Variants in NOX5 observed in about 807,000 individuals in gnomAD.
NOX5 encodes the protein NADPH oxidase, EF-hand calcium binding domain 5.
In NOX5, 76 loss-of-function variants were observed where a neutral mutation model predicts 85.7. That is an observed-to-expected ratio of 0.89 (90% CI 0.74 to 1.07). NOX5 has a LOEUF of 1.07. NOX5 is among the 50% of genes least tolerant of loss of function. NOX5 has a pLI of 0.00. For missense variants in NOX5, 973 were observed against 999.5 expected (o/e 0.97, Z 0.36); for synonymous variants, 405 against 401.4 (o/e 1.01, Z -0.11).
chr15:69,042,539 A>C, intron 9 of NOX5, 124 bp from the exon 10 acceptor site: 1 of 996,924 alleles, frequency 1.0e-6, no homozygotes, highest in Non-Finnish European at 1.5e-6. Flanking sequence ...GTCCTGAGGA[A>C]GGACATTCAA....
intron 1 of NOX5, among the ~76,000 whole-genome samples, chr15:69,017,573 G>A (rs1279348562): frequency 1.3e-5 from 2 of 152,176 alleles, no homozygotes; most frequent in African/African-American, 4.8e-5. Context: ...TTTCCGGACA[G>A]AACCAATGTA....
At chr15:69,027,415 T>G (rs2050371978) in intron 2 of NOX5, among the ~76,000 whole-genome samples, 1 of 152,136 alleles carries the variant, frequency 6.6e-6, no homozygotes, top group African/African-American at 2.4e-5. Context: ...ATCCTGGGGA[T>G]GAAGAAGAAA....
chr15:69,031,812 G>A lies in NOX5; in HGVS notation c.620G>A (p.Ser207Asn), dbSNP rs2050438448. The change falls in exon 4 of 16, where the codon AGC becomes AAC. Residue 207 changes from serine to asparagine, a missense_variant and splice_region_variant. By Grantham distance (46) the Ser-to-Asn change is conservative. Transcript: ENST00000388866. The stretch of plus-strand genomic sequence containing the variant: ...GGAGTCATGGAGAACCTGACCATCA[G>A]GTACGGCCGGGTCTCGGGCATTGGC... ...FPGVMENLTI[S>N]AAHWLTAPAP... The A allele has an allele frequency of 6.3e-7, 1 of 1,592,496 alleles. No individual in the cohort carries two copies. Among genetic ancestry groups the A allele is most frequent in the South Asian group, 1.1e-5 (1 of 89,844 alleles).
At chr15:69,028,399 G>C in intron 3 of NOX5, 34 bp downstream of exon 3, 1 of 1,536,846 alleles carries the variant, frequency 6.5e-7, no homozygotes. Context: ...GCTGGGGTGG[G>C]GAGATCAGTG....
chr15:69,035,480 C>A lies in NOX5; in HGVS notation c.982C>A (p.His328Asn). The A allele has an allele frequency of 6.2e-7, 1 of 1,614,104 alleles. No individual in the cohort carries two copies. The highest frequency in any genetic ancestry group is 8.5e-7 in the Non-Finnish European group (1 of 1,179,970). ...GYVVVGLSLV[H>N]TVAHTVNFVL... ...CGTGGTAGTGGGGCTGTCCCTCGTG[C>A]ACACCGTGGCTCACACTGTGAACTT... The change falls in exon 6 of 16, where the codon CAC becomes AAC. Residue 328 changes from histidine to asparagine, a missense_variant. Transcript: ENST00000388866.
chr15:69,018,258 C>T (rs1402670869), intron 1 of NOX5, among the ~76,000 whole-genome samples: 1 of 151,948 alleles, frequency 6.6e-6, no homozygotes, highest in Non-Finnish European at 1.5e-5. Context: ...CAGGGCCAGG[C>T]CTGGGGACCG....
intron 4 of NOX5, 145 bp downstream of exon 4, chr15:69,031,957 T>C: frequency 1.3e-6 from 1 of 797,934 alleles, no homozygotes; most frequent in Non-Finnish European, 1.9e-6. Flanking sequence ...TTGAGTGTAC[T>C]GCAGGGCAGC....
At chr15:69,017,475 A>C (rs1407716667) in intron 1 of NOX5, among the ~76,000 whole-genome samples, 1 of 152,188 alleles carries the variant, frequency 6.6e-6, no homozygotes, top group Non-Finnish European at 1.5e-5. Flanking sequence ...TCTTTAGACA[A>C]AAACTTAATT....
At position 69,028,253 on chromosome 15, in the gene NOX5, C is replaced by G; in HGVS notation, c.213C>G (p.Ser71=). The G allele has an allele frequency of 6.2e-7, 1 of 1,612,752 alleles. No homozygotes were observed. Residue 71 remains serine (S), a synonymous_variant, in exon 3 of 16, where the codon TCC becomes TCG. Transcript: ENST00000388866. ...FAERFFALFD[S]DRSGTITLQE... ...AGCGATTCTTTGCCCTATTTGACTCCGATAGAAGTGGCACCATCACCCTCC... is the reference window on the plus strand; with the variant it reads ...AGCGATTCTTTGCCCTATTTGACTCGGATAGAAGTGGCACCATCACCCTCC...
At chr15:69,018,907 G>T (rs2050264660) in intron 1 of NOX5, among the ~76,000 whole-genome samples, 1 of 152,112 alleles carries the variant, frequency 6.6e-6, no homozygotes. Flanking sequence ...CTGTTGCCCA[G>T]GCTGGAGTGC....
intron 1 of NOX5, among the ~76,000 whole-genome samples, chr15:69,018,799 G>A (rs2050263462): frequency 6.6e-6 from 1 of 152,190 alleles, no homozygotes; most frequent in Non-Finnish European, 1.5e-5. Context: ...AGAGCTCACT[G>A]ATGGCACAGG....
Position 69,028,215 on chromosome 15 carries a change from T to A in NOX5, c.175T>A (p.Ser59Thr). 6.3e-7 allele frequency: 1 copy of A among 1,598,168 alleles called. No individual in the cohort carries two copies. The highest frequency in any genetic ancestry group is 2.3e-5 in the East Asian group (1 of 44,326). The change falls in exon 3 of 16, where the codon TCC (serine) becomes ACC (threonine). Residue 59 changes from serine to threonine, a missense_variant and splice_region_variant. Physicochemically the swap from Ser to Thr is moderately conservative, Grantham distance 58. Transcript: ENST00000388866. ...TGTCTTCCACCCTTCTCGCCCACAG[T>A]CCTTCTTTGCAGAGCGATTCTTTGC... ...EFKAALHVKE[S>T]FFAERFFALF...
At chr15:69,052,816 A>T (rs921629135) in intron 14 of NOX5, among the ~76,000 whole-genome samples, 2 of 152,362 alleles carry the variant, frequency 1.3e-5, no homozygotes. Context: ...AAATATTTAT[A>T]TAACATTGAC....
chr15:69,018,551 A>C, intron 1 of NOX5, among the ~76,000 whole-genome samples: 3 of 100,184 alleles, frequency 3.0e-5, no homozygotes, highest in African/African-American at 3.9e-5. Flanking sequence ...CCCCCACAAG[A>C]CTCTTTTGTG....
Position 69,035,415 on chromosome 15 carries a change from C to T in NOX5, c.917C>T (p.Pro306Leu), listed in dbSNP as rs1261308818. ...GCCACGTGGCTGGCTCAAGTCCTAC[C>T]ACTGGACCAGAACATCCAGTTCCAC... Reference protein sequence around the residue: ...LRATWLAQVLPLDQNIQFHQL... With the variant: ...LRATWLAQVLLLDQNIQFHQL... Residue 306 changes from proline to leucine, a missense_variant, in exon 6 of 16, where the codon CCA (proline) becomes CTA (leucine). Coordinates refer to ENST00000388866, the MANE Select transcript of NOX5 (RefSeq NM_024505.4). 6.2e-7 allele frequency: 1 copy of T among 1,614,200 alleles called. No homozygotes were observed. Among genetic ancestry groups the T allele is most frequent in the Admixed American group, 1.7e-5 (1 of 60,030 alleles).
rs1400433280 is a variant in NOX5 at position 69,061,193 on chromosome 15, A to G, written c.*4497A>G. The G allele has an allele frequency of 3.3e-5, 5 of 152,272 alleles. No homozygotes were observed. The highest frequency in any genetic ancestry group is 1.2e-4 in the African/African-American group (5 of 41,476). 9.4% of individuals were successfully genotyped at this position (152,272 alleles called of 1,614,324 possible). On this transcript the variant is annotated 3_prime_UTR_variant, in exon 16 of 16. Coordinates refer to ENST00000388866, the MANE Select transcript of NOX5 (RefSeq NM_024505.4). Reference sequence around the variant, plus strand: ...TCTGCAGTGTTGTCTAAGATCCTGAATATTGATTTGGTATCAAGTGAAAGT... The same window carrying G: ...TCTGCAGTGTTGTCTAAGATCCTGAGTATTGATTTGGTATCAAGTGAAAGT...
chr15:69,035,363 C>G lies in NOX5; in HGVS notation c.865C>G (p.Leu289Val). Residue 289 changes from leucine (L) to valine (V), a missense_variant, in exon 6 of 16, where the codon CTC becomes GTC. Physicochemically the swap from Leu to Val is conservative, Grantham distance 32. Transcript: ENST00000388866. ...FDCSFIAVLM[L>V]RRCLTWLRAT... ...CACTCTGCCTGGCCAGGTGCTGATGCTCAGACGCTGCCTCACCTGGCTGCG... is the reference window on the plus strand; with the variant it reads ...CACTCTGCCTGGCCAGGTGCTGATGGTCAGACGCTGCCTCACCTGGCTGCG... 6.2e-7 allele frequency: 1 copy of G among 1,613,928 alleles called. No homozygotes were observed. The highest frequency in any genetic ancestry group is 1.1e-5 in the South Asian group (1 of 91,030).
rs114173441 is a variant in NOX5, at chr15:69,018,677, C to T, written c.50+3892C>T. Among the ~76,000 whole-genome samples the T allele has an allele frequency of 1.6e-3, 236 of 152,124 alleles. 1 individual carries two copies. Among genetic ancestry groups the T allele is most frequent in the African/African-American group, 4.1e-3 (170 of 41,484 alleles). On this transcript the variant is annotated intron_variant, in intron 1 of 15. Transcript: ENST00000388866. ...GGTGTGTTCTGGGATGAGGTTGTGC[C>T]GTGTAAAATGTTTGTTTTACTAAGG...
chr15:69,049,098 C>CAGGG, intron 14 of NOX5, 40 bp downstream of exon 14: 1 of 1,310,278 alleles, frequency 7.6e-7, no homozygotes, highest in South Asian at 1.3e-5. Context: ...AGGAGTAGGG[C>CAGGG]AGGGGCCTTC....
Sources: gnomAD v4.1 joint callset for allele counts (sites outside exome capture counted in the v4.1 genomes callset) on GRCh38, gnomAD v4.1.1 for gene constraint, MANE v1.5 for transcripts, NCBI Gene and HGNC (gene_info 2026-07-23, HGNC 2026-07-21) for gene names.